GREM2: variants seen among roughly 807,000 people sequenced by gnomAD.
GREM2 encodes the protein gremlin 2, DAN family BMP antagonist.
GREM2 carries 11 observed loss-of-function variants against 14.2 expected under a neutral mutation model. The ratio of observed to expected loss-of-function variants is 0.78; its 90% CI spans 0.49 to 1.28. GREM2 has a LOEUF of 1.28. Among genes scored for constraint, GREM2 ranks in the 50% most tolerant of loss-of-function variants. The pLI, the probability that GREM2 is intolerant of heterozygous loss-of-function variation, is 0.00. For synonymous variants in GREM2, 98 were observed against 97.6 expected, an observed-to-expected ratio of 1.00 and a Z score of -0.02; for missense variants, 210 against 218.5, an observed-to-expected ratio of 0.96 and a Z score of 0.24.
In GREM2 at chr1:240,563,173, G is replaced by A. The variant is rs149652619; in HGVS notation, c.-2+48711C>T. Among the ~76,000 whole-genome samples the A allele has an allele frequency of 2.8e-3, 422 of 148,960 alleles. 2 individuals carry two copies. The highest frequency in any genetic ancestry group is 9.7e-3 in the African/African-American group (399 of 41,156). ...AGTGTGTATGTGTGTACGTGTGAGT[G>A]TGTGTATGTGTACGTGTGTGAGTGT... On this transcript the variant is annotated intron_variant, in intron 1 of 1. Transcript: ENST00000318160.
At chr1:240,533,324 T>C (rs952748636) in intron 1 of GREM2, among the ~76,000 whole-genome samples, 1 of 152,158 alleles carries the variant, frequency 6.6e-6, no homozygotes, top group African/African-American at 2.4e-5. Context: ...CAGATCAGTT[T>C]AGCGGTCTGT....
At chr1:240,523,532 A>AAGGAGTGTTCTCACTGTTTTTTAC (rs1678150874) in intron 1 of GREM2, among the ~76,000 whole-genome samples, 2 of 152,128 alleles carry the variant, frequency 1.3e-5, no homozygotes, top group African/African-American at 4.8e-5. Context: ...ACCAATACAC[A>AAGGAGTGTTCTCACTGTTTTTTAC]AGGAGTGTTC....
chr1:240,502,937 C>G (rs1017159793), intron 1 of GREM2, among the ~76,000 whole-genome samples: 1 of 152,168 alleles, frequency 6.6e-6, no homozygotes, highest in Non-Finnish European at 1.5e-5. Context: ...AACTGTGAGG[C>G]AAGGTGCAGC....
At chr1:240,551,003 C>A (rs1678838986) in intron 1 of GREM2, among the ~76,000 whole-genome samples, 1 of 152,122 alleles carries the variant, frequency 6.6e-6, no homozygotes, top group African/African-American at 2.4e-5. Context: ...CTTTTATGGC[C>A]TAAAAGAACT....
At position 240,540,316 on chromosome 1, in the gene GREM2, C is replaced by G. The variant is rs1558154895; in HGVS notation, c.-1-46840G>C. ...AACTTATTGCATTGAAGAGCTCCTT[C>G]TCCAAAAGGGGGCATAAAGGAACAT... On this transcript the variant is annotated intron_variant, in intron 1 of 1. Coordinates refer to ENST00000318160, the MANE Select transcript of GREM2 (RefSeq NM_022469.4). The surrounding 1 kb of genome is among the most constrained non-coding windows in gnomAD (Gnocchi z 4.2). Among the ~76,000 whole-genome samples, 1 of 152,142 alleles carries G rather than the reference C, an allele frequency of 6.6e-6. No individual in the cohort carries two copies. Among genetic ancestry groups the G allele is most frequent in the East Asian group, 1.9e-4 (1 of 5,186 alleles).
intron 1 of GREM2, among the ~76,000 whole-genome samples, chr1:240,512,544 G>A (rs935094998): frequency 5.9e-5 from 2 of 33,868 alleles, no homozygotes; most frequent in African/African-American, 4.2e-4. Flanking sequence ...ATAAGCAGAG[G>A]ACTTTATTGA....
rs900434224 is a variant in GREM2 at position 240,544,595 on chromosome 1, A to G, written c.-1-51119T>C. On this transcript the variant is annotated intron_variant, in intron 1 of 1. Transcript: ENST00000318160. ...GTGTCTTCAAAAACTCTTTATATCA[A>G]TCAAGGCTATGTGATTCCTATTTAT... Among the ~76,000 whole-genome samples, 20 of 152,292 alleles carry G rather than the reference A, an allele frequency of 1.3e-4. No individual in the cohort carries two copies. In the South Asian group the frequency reaches 1.4e-3, roughly 11 times the overall value.
At chr1:240,567,366 A>G (rs532754436) in intron 1 of GREM2, among the ~76,000 whole-genome samples, 2 of 152,284 alleles carry the variant, frequency 1.3e-5, no homozygotes, top group South Asian at 4.1e-4. Flanking sequence ...GAAAACTGAA[A>G]CAAATCACAT....
intron 1 of GREM2, among the ~76,000 whole-genome samples, chr1:240,528,975 C>T (rs181547550): frequency 6.6e-6 from 1 of 152,136 alleles, no homozygotes; most frequent in Non-Finnish European, 1.5e-5. Flanking sequence ...CTGTGTTCAG[C>T]AGCCAGAGTC....
intron 1 of GREM2, among the ~76,000 whole-genome samples, chr1:240,510,369 CAAAAAAAAAAA>C (rs71170753): frequency 1.7e-5 from 1 of 59,554 alleles, no homozygotes; most frequent in East Asian, 7.4e-4. Context: ...GACTCCGTCG[CAAAAAAAAAAA>C]AAAAAAAAAA....
At chr1:240,562,940 G>A (rs935467468) in intron 1 of GREM2, among the ~76,000 whole-genome samples, 11 of 142,878 alleles carry the variant, frequency 7.7e-5, no homozygotes, top group African/African-American at 2.9e-4. Flanking sequence ...GTGTGTGAGT[G>A]TGTGAGTGTG....
chr1:240,605,098 T>C (rs1451951764), intron 1 of GREM2, among the ~76,000 whole-genome samples: 5 of 152,088 alleles, frequency 3.3e-5, no homozygotes, highest in Non-Finnish European at 5.9e-5. Context: ...GAATGTGAGG[T>C]CCCGTTCCAG....
intron 1 of GREM2, 99 bp from the exon 2 acceptor site, chr1:240,493,575 G>T: frequency 7.2e-7 from 1 of 1,385,718 alleles, no homozygotes; most frequent in Non-Finnish European, 9.5e-7. Context: ...GTCTGGCTCT[G>T]TTGCCCAGGC....
intron 1 of GREM2, among the ~76,000 whole-genome samples, chr1:240,567,451 C>T (rs984014435): frequency 5.9e-5 from 9 of 151,852 alleles, no homozygotes; most frequent in East Asian, 5.8e-4. Flanking sequence ...ATTAAAAAAA[C>T]ACATTATATA....
At chr1:240,555,208 T>C (rs1678931841) in intron 1 of GREM2, among the ~76,000 whole-genome samples, 2 of 152,118 alleles carry the variant, frequency 1.3e-5, no homozygotes, top group Admixed American at 6.6e-5. Context: ...TGGGAGGCCT[T>C]ATTTTGTAAT....
chr1:240,560,345 T>G (rs1038149148), intron 1 of GREM2, among the ~76,000 whole-genome samples: 1 of 151,992 alleles, frequency 6.6e-6, no homozygotes, highest in Non-Finnish European at 1.5e-5. Flanking sequence ...GCTATCAGGG[T>G]TTATGGCAAA....
At chr1:240,546,105 C>T (rs758010156) in intron 1 of GREM2, among the ~76,000 whole-genome samples, 4 of 152,066 alleles carry the variant, frequency 2.6e-5, no homozygotes, top group African/African-American at 9.7e-5. Context: ...GAAGCTGAGG[C>T]GGGCGGATCA....
intron 1 of GREM2, among the ~76,000 whole-genome samples, chr1:240,521,717 C>A (rs1404957047): frequency 6.6e-6 from 1 of 152,116 alleles, no homozygotes; most frequent in Non-Finnish European, 1.5e-5. Flanking sequence ...CCATATTGTG[C>A]TTAAAATGGC....
chr1:240,579,784 CT>C (rs150974586), intron 1 of GREM2, among the ~76,000 whole-genome samples: 72 of 152,274 alleles, frequency 4.7e-4, no homozygotes, highest in African/African-American at 1.5e-3. Flanking sequence ...TGGATTTCAA[CT>C]GGTAAAGCTA....
Sources: allele counts gnomAD v4.1 joint callset (sites outside exome capture counted in the v4.1 genomes callset), GRCh38; gene constraint gnomAD v4.1.1; non-coding constraint Gnocchi (gnomAD v3.1); transcripts MANE v1.5; gene names NCBI Gene and HGNC (gene_info 2026-07-23, HGNC 2026-07-21).